The following ACTN3 variants were observed in gnomAD, a reference collection of about 807,000 sequenced individuals.
The protein encoded by ACTN3 is alpha-actinin-3.
Under a neutral mutation model 119.6 loss-of-function variants are expected in ACTN3, and 91 were observed. That is an observed-to-expected ratio of 0.76 (90% CI 0.64 to 0.91). The LOEUF (loss-of-function observed/expected upper bound fraction) is 0.91, where lower values mean the gene tolerates loss of function less well. Ranked by LOEUF, ACTN3 falls within the 40% of genes least tolerant of loss-of-function variation. ACTN3 has a pLI of 0.00. For synonymous variants in ACTN3, 456 were observed against 478.8 expected, an observed-to-expected ratio of 0.95 and a Z score of 0.62; for missense variants, 1,221 against 1,215.1, an observed-to-expected ratio of 1.00 and a Z score of -0.07.
chr11:66,553,945 A>T (rs563334744), intron 3 of ACTN3, 100 bp from the exon 4 acceptor site: 1 of 884,882 alleles, frequency 1.1e-6, no homozygotes, highest in African/African-American at 1.7e-5. Flanking sequence ...GAAATGGGAG[A>T]CAAGGGCCAG....
At chr11:66,559,758 T>A (rs1481850500) in intron 12 of ACTN3, among the ~76,000 whole-genome samples, 1 of 124,168 alleles carries the variant, frequency 8.1e-6, no homozygotes, top group Admixed American at 9.0e-5. Flanking sequence ...AGCACCTCCA[T>A]GGACTGCAGC....
At position 66,561,374 on chromosome 11, in the gene ACTN3, A is replaced by G. The variant is rs1158613280; in HGVS notation, c.1995+13A>G. On this transcript the variant is annotated intron_variant, in intron 16 of 20. Coordinates refer to ENST00000513398, the MANE Select transcript of ACTN3 (RefSeq NM_001104.4). Reference sequence around the variant, plus strand: ...GGCGAAGGTGGAGGTAAGGGCTGGGATAGTGGGTCCAACCTGGGGGGATGG... The same window carrying G: ...GGCGAAGGTGGAGGTAAGGGCTGGGGTAGTGGGTCCAACCTGGGGGGATGG... 2.5e-6 allele frequency: 4 copies of G among 1,608,722 alleles called. No individual in the cohort carries two copies. In the Admixed American group the frequency reaches 5.0e-5, roughly 20 times the overall value.
chr11:66,562,002 G>C lies in ACTN3; in HGVS notation c.2176-20G>C. 1 of 1,590,838 alleles carries C rather than the reference G, an allele frequency of 6.3e-7. No individual in the cohort carries two copies. Among genetic ancestry groups the C allele is most frequent in the Admixed American group, 1.8e-5 (1 of 56,002 alleles). ...AGGCACTGGCCGCCCACTGACAGTG[G>C]CCTGTCCCCTGACCGCCAGCACATC... On this transcript the variant is annotated intron_variant, in intron 17 of 20. Coordinates refer to ENST00000513398, the MANE Select transcript of ACTN3 (RefSeq NM_001104.4).
Position 66,557,218 on chromosome 11 carries a change from C to T in ACTN3, c.890C>T (p.Ala297Val). The T allele has an allele frequency of 6.4e-7, 1 of 1,552,832 alleles. No homozygotes were observed. The highest frequency in any genetic ancestry group is 8.7e-7 in the Non-Finnish European group (1 of 1,147,698). The change falls in exon 9 of 21, where the codon GCC (alanine) becomes GTC (valine). Residue 297 changes from alanine (A) to valine (V), a missense_variant. Transcript: ENST00000513398. The part of the protein sequence containing the change: ...EKLMEEYEKL[A>V]SELLEWIRRT... ...CTGATGGAGGAGTATGAGAAGCTTG[C>T]CAGTGAGGTGAGGCTGGGCTCCCAC...
At position 66,558,058 on chromosome 11, in the gene ACTN3, A is replaced by G. The variant is rs765693225; in HGVS notation, c.1160A>G (p.Gln387Arg). The G allele has an allele frequency of 1.2e-6, 2 of 1,613,882 alleles. No homozygotes were observed. Among genetic ancestry groups the G allele is most frequent in the South Asian group, 2.2e-5 (2 of 91,062 alleles). ...GCCAACGCCTGGCGGGGGCTGGAGC[A>G]GGTGGAAAAGGGCTATGAGGACTGG... ...DIANAWRGLE[Q>R]VEKGYEDWLL... Residue 387 changes from glutamine to arginine, a missense_variant, in exon 11 of 21, where the codon CAG becomes CGG. By Grantham distance (43) the Gln-to-Arg change is conservative. This residue lies in a region of ACTN3 where 934 missense variants were observed against 899.9 expected (regional missense o/e 1.04). Transcript: ENST00000513398.
At chr11:66,556,297 A>C in intron 8 of ACTN3, 67 bp downstream of exon 8, 1 of 1,506,586 alleles carries the variant, frequency 6.6e-7, no homozygotes, top group South Asian at 1.2e-5. Flanking sequence ...CTGTAGTCCA[A>C]CATTGGAGGC....
At chr11:66,549,755 AG>A (rs1205970686) in intron 1 of ACTN3, among the ~76,000 whole-genome samples, 2 of 149,714 alleles carry the variant, frequency 1.3e-5, no homozygotes, top group East Asian at 1.9e-4. Flanking sequence ...AAAAAAAAAA[AG>A]AGTCATGTTT....
In ACTN3 at chr11:66,554,628, G is replaced by T; in HGVS notation, c.557+5G>T. The T allele has an allele frequency of 1.2e-6, 2 of 1,608,376 alleles. No homozygotes were observed. The highest frequency in any genetic ancestry group is 1.7e-6 in the Non-Finnish European group (2 of 1,177,080). On this transcript the variant is annotated splice_donor_5th_base_variant and intron_variant, in intron 5 of 20. Coordinates refer to ENST00000513398, the MANE Select transcript of ACTN3 (RefSeq NM_001104.4). ...CGTGCAGAACTTCCACACCAGGTCT[G>T]TCAGGTGGTTACCAAATGTGTCTGG...
chr11:66,549,365 C>T (rs1007993735), intron 1 of ACTN3, among the ~76,000 whole-genome samples: 1 of 152,206 alleles, frequency 6.6e-6, no homozygotes, highest in South Asian at 2.1e-4. Context: ...CAACCTCTTA[C>T]AGCGCTTCTC....
In ACTN3 at chr11:66,560,710, C is replaced by T; in HGVS notation, c.1815C>T (p.Pro605=). ...GGCTGCGGCCCTGCTCCACCAATCC[C>T]TACATCACCCTCAGCCCGCAGGACA... ...TYGLRPCSTN[P]YITLSPQDIN... The change falls in exon 15 of 21, where the codon CCC becomes CCT. Residue 605 remains proline (P), a synonymous_variant. Coordinates refer to ENST00000513398, the MANE Select transcript of ACTN3 (RefSeq NM_001104.4). 1 of 1,613,844 alleles carries T rather than the reference C, an allele frequency of 6.2e-7. No individual in the cohort carries two copies. Among genetic ancestry groups the T allele is most frequent in the Non-Finnish European group, 8.5e-7 (1 of 1,179,796 alleles).
Position 66,561,306 on chromosome 11 carries a change from GAC to G in ACTN3, c.1942_1943del (p.Gln648ValfsTer50), listed in dbSNP as rs749661507. ...CAGCAGGTAAACGAGAGGCTCCGGC[GAC>G]AGTTTGCGGCCCAGGCCAATGCCAT... is the stretch of plus-strand genomic sequence containing the variant. On this transcript the variant is annotated frameshift_variant, in exon 16 of 21. Coordinates refer to ENST00000513398, the MANE Select transcript of ACTN3 (RefSeq NM_001104.4). LOFTEE classifies it high-confidence loss of function. 1.9e-6 allele frequency: 3 copies of G among 1,610,656 alleles called. No homozygotes were observed. Among genetic ancestry groups the G allele is most frequent in the Non-Finnish European group, 2.5e-6 (3 of 1,179,004 alleles).
intron 3 of ACTN3, 69 bp from the exon 4 acceptor site, chr11:66,553,976 G>C (rs1857532030): frequency 1.3e-5 from 18 of 1,394,640 alleles, no homozygotes; most frequent in Non-Finnish European, 1.7e-5. Context: ...AGAGGGGAAG[G>C]TAAGCTGAGG....
chr11:66,563,051 A>G lies in ACTN3; in HGVS notation c.2564A>G (p.Glu855Gly). Residue 855 changes from glutamate (E) to glycine (G), a missense_variant, in exon 21 of 21, where the codon GAG (glutamate) becomes GGG (glycine). Glu to Gly is a moderately conservative substitution (Grantham distance 98). Around this residue, in one of 3 missense-constraint regions of ACTN3, gnomAD observed 934 missense variants for 899.9 expected, o/e 1.04. Coordinates refer to ENST00000513398, the MANE Select transcript of ACTN3 (RefSeq NM_001104.4). The stretch of plus-strand genomic sequence containing the variant: ...TCTCCCCAGAACTACATCACCCCCG[A>G]GGAGCTGCGGCGCGAGCTCCCTGCC... ...LAGDKNYITPEELRRELPAKQ... is the reference protein window; with the variant it reads ...LAGDKNYITPGELRRELPAKQ... The G allele has an allele frequency of 2.5e-6, 4 of 1,612,200 alleles. No homozygotes were observed. Among genetic ancestry groups the G allele is most frequent in the Non-Finnish European group, 3.4e-6 (4 of 1,179,068 alleles).
chr11:66,562,652 C>T (rs537654454), intron 19 of ACTN3, 144 bp from the exon 20 acceptor site: 195 of 967,820 alleles, frequency 2.0e-4, no homozygotes, highest in Admixed American at 6.6e-4. Context: ...CTTCCTACAG[C>T]CAGGGCTAAG....
In ACTN3 at chr11:66,560,233, G is replaced by A. The variant is rs574661794; in HGVS notation, c.1599G>A (p.Ala533=). The change falls in exon 14 of 21, where the codon GCG becomes GCA. Residue 533 remains alanine (A), a synonymous_variant. Coordinates refer to ENST00000513398, the MANE Select transcript of ACTN3 (RefSeq NM_001104.4). Reference sequence around the variant, plus strand: ...AACTGGAGTTTGCCCGGCGGGCCGCGCCCTTCAACAACTGGCTGGATGGTG... The same window carrying A: ...AACTGGAGTTTGCCCGGCGGGCCGCACCCTTCAACAACTGGCTGGATGGTG... The part of the protein sequence containing the change: ...RLQLEFARRA[A]PFNNWLDGAV... The A allele has an allele frequency of 7.0e-5, 113 of 1,612,656 alleles. No homozygotes were observed. The highest frequency in any genetic ancestry group is 4.2e-4 in the East Asian group (19 of 44,838).
chr11:66,547,703 C>T (rs761033817), intron 1 of ACTN3, among the ~76,000 whole-genome samples: 1 of 152,164 alleles, frequency 6.6e-6, no homozygotes, highest in Non-Finnish European at 1.5e-5. Flanking sequence ...ATACCCCAGG[C>T]ATGGGGCCCT....
Position 66,551,347 on chromosome 11 carries a change from A to G in ACTN3, c.256A>G (p.Ile86Val). ...CAAACTCATGCTGCTCCTGGAGGTCATTTCAGGTGAGGATGGCAAATCAGT... is the reference window on the plus strand; with the variant it reads ...CAAACTCATGCTGCTCCTGGAGGTCGTTTCAGGTGAGGATGGCAAATCAGT... ...GLKLMLLLEV[I>V]SGERLPRPDK... Residue 86 changes from isoleucine to valine, a missense_variant, in exon 2 of 21, where the codon ATT (isoleucine) becomes GTT (valine). This residue lies in a region of ACTN3 where 239 missense variants were observed against 231.8 expected (regional missense o/e 1.03). Coordinates refer to ENST00000513398, the MANE Select transcript of ACTN3 (RefSeq NM_001104.4). 1 of 1,603,196 alleles carries G rather than the reference A, an allele frequency of 6.2e-7. No individual in the cohort carries two copies. The highest frequency in any genetic ancestry group is 8.5e-7 in the Non-Finnish European group (1 of 1,174,788).
chr11:66,551,477 T>G, intron 2 of ACTN3, 51 bp from the exon 3 acceptor site: 1 of 1,592,816 alleles, frequency 6.3e-7, no homozygotes, highest in Non-Finnish European at 8.5e-7. Flanking sequence ...GGACAATAGC[T>G]TCAGCTGCCT....
chr11:66,548,190 C>A (rs544021), intron 1 of ACTN3, among the ~76,000 whole-genome samples: 8 of 151,860 alleles, frequency 5.3e-5, no homozygotes, highest in African/African-American at 1.5e-4. Flanking sequence ...CCCCAAGGGC[C>A]GAGAGGCTCC....
Sources: allele counts gnomAD v4.1 joint callset (sites outside exome capture counted in the v4.1 genomes callset), GRCh38; gene constraint gnomAD v4.1.1; regional missense constraint gnomAD v4.1.1; transcripts MANE v1.5; gene names NCBI Gene and HGNC (gene_info 2026-07-23, HGNC 2026-07-21).